The following PCDHGA11 variants were observed in gnomAD, a reference collection of about 807,000 sequenced individuals.
PCDHGA11 encodes the protein protocadherin gamma-A11.
In PCDHGA11, 39 loss-of-function variants were observed where a neutral mutation model predicts 60.4. That is an observed-to-expected ratio of 0.65 (90% confidence interval 0.50 to 0.84). The LOEUF (loss-of-function observed/expected upper bound fraction) is 0.84. PCDHGA11 is among the 40% of genes least tolerant of loss of function. The probability of loss-of-function intolerance (pLI) is 0.00; values close to 1 mark genes in which losing one functional copy is unlikely to be tolerated. For missense variants in PCDHGA11, 1,165 were observed against 1,197.7 expected, an observed-to-expected ratio of 0.97 and a Z score of 0.40; for synonymous variants, 533 against 510.3, an observed-to-expected ratio of 1.04 and a Z score of -0.60.
chr5:141,494,778 CA>C (rs1228639033), intron 1 of PCDHGA11, 28 bp from the exon 2 acceptor site: 1 of 1,614,086 alleles, frequency 6.2e-7, no homozygotes, highest in Admixed American at 1.7e-5. Flanking sequence ...CACGGGTACT[CA>C]GCCCCTTTCC....
intron 1 of PCDHGA11, among the ~76,000 whole-genome samples, chr5:141,481,153 A>G (rs1376488411): frequency 2.0e-5 from 3 of 152,224 alleles, no homozygotes; most frequent in Non-Finnish European, 4.4e-5. Context: ...TTATTCTGGT[A>G]TTTGCAGAAC....
At position 141,421,767 on chromosome 5, in the gene PCDHGA11, C is replaced by T; in HGVS notation, c.540C>T (p.Ser180=). 2 of 1,613,906 alleles carry T rather than the reference C, an allele frequency of 1.2e-6. No individual in the cohort carries two copies. Among genetic ancestry groups the T allele is most frequent in the South Asian group, 1.1e-5 (1 of 91,070 alleles). Residue 180 remains serine, a synonymous_variant, in exon 1 of 4, where the codon TCC becomes TCT. Coordinates refer to ENST00000398587, the MANE Select transcript of PCDHGA11 (RefSeq NM_018914.3). The part of the protein sequence containing the change: ...SYQLSPNNYF[S]LQLRGRTDGA... ...AGCTCAGCCCTAATAATTACTTTTCCTTGCAACTGCGGGGCAGAACGGATG... is the reference window on the plus strand; with the variant it reads ...AGCTCAGCCCTAATAATTACTTTTCTTTGCAACTGCGGGGCAGAACGGATG...
chr5:141,430,661 GCT>G, intron 1 of PCDHGA11: 1 of 1,159,744 alleles, frequency 8.6e-7, no homozygotes, highest in South Asian at 2.1e-5. Flanking sequence ...CAACGGAGGA[GCT>G]CTGACTTCCC....
intron 1 of PCDHGA11, chr5:141,479,521 T>C (rs4912607): frequency 0.2 from 30,680 of 152,154 alleles, 3,215 homozygotes; most frequent in Admixed American, 0.29. Flanking sequence ...CTGGCCCAGG[T>C]TGGAAGTGGA....
At chr5:141,465,186 G>T (rs2099098546) in intron 1 of PCDHGA11, among the ~76,000 whole-genome samples, 1 of 151,852 alleles carries the variant, frequency 6.6e-6, no homozygotes, top group African/African-American at 2.4e-5. Flanking sequence ...TTAATTAAAA[G>T]ATAAAAATAA....
In PCDHGA11 at chr5:141,432,916, G is replaced by C; in HGVS notation, c.2433+9256G>C. ...TGCTGGCGCTCAGGCTGCGGCGCTG[G>C]CACAAGTCACGCCTGCTGCAGGCTT... On this transcript the variant is annotated intron_variant, in intron 1 of 3. Coordinates refer to ENST00000398587, the MANE Select transcript of PCDHGA11 (RefSeq NM_018914.3). The surrounding 1 kb of genome is among the most constrained non-coding windows in gnomAD (Gnocchi z 6.0). 1 of 1,614,196 alleles carries C rather than the reference G, an allele frequency of 6.2e-7. No homozygotes were observed. The highest frequency in any genetic ancestry group is 8.5e-7 in the Non-Finnish European group (1 of 1,180,040).
chr5:141,450,977 A>G (rs2098702822), intron 1 of PCDHGA11, among the ~76,000 whole-genome samples: 1 of 151,760 alleles, frequency 6.6e-6, no homozygotes, highest in African/African-American at 2.4e-5. Context: ...GGCATGTGCC[A>G]CCACACCCGG....
In PCDHGA11 at chr5:141,477,097, G is replaced by A; in HGVS notation, c.2434-17710G>A. ...AGATTTACATCCAGGCCAAAGACAAGGGCGCCAATCCCGAAGGAGCACATT... is the reference window on the plus strand; with the variant it reads ...AGATTTACATCCAGGCCAAAGACAAAGGCGCCAATCCCGAAGGAGCACATT... On this transcript the variant is annotated intron_variant, in intron 1 of 3. Transcript: ENST00000398587. This position sits in a 1 kb window ranked among gnomAD's most constrained non-coding sequence, Gnocchi z 4.9. 1 of 1,614,242 alleles carries A rather than the reference G, an allele frequency of 6.2e-7. No homozygotes were observed. Among genetic ancestry groups the A allele is most frequent in the South Asian group, 1.1e-5 (1 of 91,088 alleles).
chr5:141,474,563 A>G lies in PCDHGA11; in HGVS notation c.2434-20244A>G, dbSNP rs143794984. 1.4e-3 allele frequency among the ~76,000 whole-genome samples: 210 copies of G among 152,332 alleles called. 2 individuals are homozygous for G. The highest frequency in any genetic ancestry group is 5.0e-3 in the African/African-American group (207 of 41,572). ...TGAGCATTTAAAACTGGGGGTTTTC[A>G]GAGATTAATTGAAGTGTTAAAGACA... On this transcript the variant is annotated intron_variant, in intron 1 of 3. Coordinates refer to ENST00000398587, the MANE Select transcript of PCDHGA11 (RefSeq NM_018914.3).
chr5:141,501,509 C>T lies in PCDHGA11; in HGVS notation c.2493-3884C>T, dbSNP rs1046763108. 4.6e-5 allele frequency among the ~76,000 whole-genome samples: 7 copies of T among 152,080 alleles called. No individual in the cohort carries two copies. The South Asian group carries it at 6.2e-4, about 14-fold the overall frequency. On this transcript the variant is annotated intron_variant, in intron 2 of 3. Transcript: ENST00000398587. The stretch of plus-strand genomic sequence containing the variant: ...ATATCTGCTGCTGGGGCTCCAAGGC[C>T]TCCAAGCTGAAGCCCAGTACGTTGT...
intron 1 of PCDHGA11, chr5:141,426,664 A>G (rs886265350): frequency 2.3e-6 from 1 of 429,248 alleles, no homozygotes; most frequent in Admixed American, 2.5e-5. Flanking sequence ...GATATAAATG[A>G]TAACCCACCT....
At chr5:141,472,980 CAAA>C (rs60579131) in intron 1 of PCDHGA11, among the ~76,000 whole-genome samples, 10 of 86,092 alleles carry the variant, frequency 1.2e-4, no homozygotes, top group Non-Finnish European at 1.2e-4. Context: ...GAGTGAAACT[CAAA>C]AAAAAAAAAA....
At chr5:141,473,942 G>A (rs1419813166) in intron 1 of PCDHGA11, among the ~76,000 whole-genome samples, 3 of 152,124 alleles carry the variant, frequency 2.0e-5, no homozygotes, top group Non-Finnish European at 2.9e-5. Flanking sequence ...AGTAGCTCAG[G>A]CCTGTAGTCC....
intron 1 of PCDHGA11, among the ~76,000 whole-genome samples, chr5:141,434,495 G>A (rs1414485396): frequency 6.6e-6 from 1 of 152,220 alleles, no homozygotes; most frequent in Non-Finnish European, 1.5e-5. Flanking sequence ...GGCCCGCCCA[G>A]GGCAGAAAAC....
Position 141,432,211 on chromosome 5 carries a change from C to A in PCDHGA11, c.2433+8551C>A, listed in dbSNP as rs1390215329. On this transcript the variant is annotated intron_variant, in intron 1 of 3. Coordinates refer to ENST00000398587, the MANE Select transcript of PCDHGA11 (RefSeq NM_018914.3). The surrounding 1 kb of genome is among the most constrained non-coding windows in gnomAD (Gnocchi z 6.0). The stretch of plus-strand genomic sequence containing the variant: ...CCCACGACCCCGACTGTGAAGAGAA[C>A]GCCCAGATCACTTATTCCCTGGCTG... 1 of 1,614,232 alleles carries A rather than the reference C, an allele frequency of 6.2e-7. No individual in the cohort carries two copies. Among genetic ancestry groups the A allele is most frequent in the Admixed American group, 1.7e-5 (1 of 60,032 alleles).
chr5:141,430,399 T>G (rs2097282187), intron 1 of PCDHGA11, among the ~76,000 whole-genome samples: 1 of 150,106 alleles, frequency 6.7e-6, no homozygotes, highest in Admixed American at 6.6e-5. Flanking sequence ...AAAAAAAAGC[T>G]CACTAAAGTT....
chr5:141,461,423 C>T lies in PCDHGA11; in HGVS notation c.2434-33384C>T, dbSNP rs1005977255. 3.9e-5 allele frequency among the ~76,000 whole-genome samples: 6 copies of T among 151,938 alleles called. No individual in the cohort carries two copies. In the South Asian group the frequency reaches 6.2e-4, roughly 16 times the overall value. On this transcript the variant is annotated intron_variant, in intron 1 of 3. Coordinates refer to ENST00000398587, the MANE Select transcript of PCDHGA11 (RefSeq NM_018914.3). ...AGCATTTTTTCATATGTTTGTGGGC[C>T]ATTTGTATACCTTCTTTTGAGAAAT... is the stretch of plus-strand genomic sequence containing the variant.
At chr5:141,482,852 A>G (rs1237049208) in intron 1 of PCDHGA11, among the ~76,000 whole-genome samples, 1 of 144,420 alleles carries the variant, frequency 6.9e-6, no homozygotes, top group Non-Finnish European at 1.5e-5. Flanking sequence ...TGGGCAGATC[A>G]CTTGAGGTCA....
Position 141,476,591 on chromosome 5 carries a change from G to T in PCDHGA11, c.2434-18216G>T, listed in dbSNP as rs200254399. The T allele has an allele frequency of 6.2e-7, 1 of 1,614,230 alleles. No homozygotes were observed. The highest frequency in any genetic ancestry group is 8.5e-7 in the Non-Finnish European group (1 of 1,180,046). On this transcript the variant is annotated intron_variant, in intron 1 of 3. Transcript: ENST00000398587. The surrounding 1 kb of genome is among the most constrained non-coding windows in gnomAD (Gnocchi z 7.6). The stretch of plus-strand genomic sequence containing the variant: ...GGGGACGCGCTTTCCGCTCGAGAGC[G>T]CGCACGATCCCGATGTGGGAAGCAA...
Sources: allele counts gnomAD v4.1 joint callset (sites outside exome capture counted in the v4.1 genomes callset), GRCh38; gene constraint gnomAD v4.1.1; non-coding constraint Gnocchi (gnomAD v3.1); transcripts MANE v1.5; gene names NCBI Gene and HGNC (gene_info 2026-07-23, HGNC 2026-07-21).